Variants in CLASP1 observed in about 807,000 individuals in gnomAD.
The protein encoded by CLASP1 is CLIP-associating protein 1.
A neutral mutation model predicts 192.3 loss-of-function variants in CLASP1; 38 were observed. The observed-to-expected ratio is 0.20, with a 90% CI of 0.15 to 0.26. CLASP1 has a LOEUF of 0.26. Among genes scored for constraint, CLASP1 ranks in the 10% least tolerant of loss-of-function variants. The pLI is 1.00. For synonymous variants in CLASP1, 691 were observed against 712.8 expected (o/e 0.97, Z 0.49); for missense variants, 1,433 against 1,932.5 (o/e 0.74, Z 4.85).
In CLASP1 at chr2:121,497,002, CAT is replaced by C. The variant is rs533184477; in HGVS notation, c.712+6163_712+6164del. ...AAGACAAACATCACACATTCTCACT[CAT>C]ATGTGGGAGCTAAAAGGGTAGATCT... On this transcript the variant is annotated intron_variant, in intron 8 of 39. Transcript: ENST00000263710. Among the ~76,000 whole-genome samples the C allele has an allele frequency of 3.0e-3, 456 of 152,142 alleles. 9 individuals are homozygous for C. Among genetic ancestry groups the C allele is most frequent in the Non-Finnish European group, 7.6e-4 (52 of 68,012 alleles).
chr2:121,432,239 C>G (rs949680337), intron 19 of CLASP1, among the ~76,000 whole-genome samples: 1 of 152,130 alleles, frequency 6.6e-6, no homozygotes, highest in Non-Finnish European at 1.5e-5. Context: ...GCCTCAGCCT[C>G]CCCAGTAGCT....
At position 121,461,089 on chromosome 2, in the gene CLASP1, T is replaced by G; in HGVS notation, c.1032+12A>C. On this transcript the variant is annotated intron_variant, in intron 11 of 39. Coordinates refer to ENST00000263710, the Ensembl canonical transcript of CLASP1. ...CTTATGAAAATGTAATCACATGAAGTCAACAGCTTACAGCATTTACTCTCT... is the reference window on the plus strand; with the variant it reads ...CTTATGAAAATGTAATCACATGAAGGCAACAGCTTACAGCATTTACTCTCT... The G allele has an allele frequency of 6.6e-7, 1 of 1,521,888 alleles. No individual in the cohort carries two copies. The highest frequency in any genetic ancestry group is 9.0e-7 in the Non-Finnish European group (1 of 1,110,258). 94.3% of individuals were successfully genotyped at this position (1,521,888 alleles called of 1,614,324 possible).
intron 1 of CLASP1, among the ~76,000 whole-genome samples, chr2:121,641,344 A>G (rs1432250036): frequency 2.0e-5 from 3 of 152,084 alleles, no homozygotes; most frequent in Admixed American, 1.3e-4. Flanking sequence ...AAAAAAAAAA[A>G]AAAACAGGTA....
At chr2:121,533,530 T>G (rs1404776982) in intron 2 of CLASP1, among the ~76,000 whole-genome samples, 1 of 152,158 alleles carries the variant, frequency 6.6e-6, no homozygotes, top group African/African-American at 2.4e-5. Context: ...TTTCCCCCTA[T>G]TTCTGCTTTC....
intron 2 of CLASP1, among the ~76,000 whole-genome samples, chr2:121,581,448 G>A (rs2061155448): frequency 6.6e-6 from 1 of 151,042 alleles, no homozygotes; most frequent in Non-Finnish European, 1.5e-5. Flanking sequence ...CTAATTTTTT[G>A]TATTTTTAGT....
At chr2:121,498,716 T>C (rs1228161675) in intron 8 of CLASP1, among the ~76,000 whole-genome samples, 2 of 152,102 alleles carry the variant, frequency 1.3e-5, no homozygotes, top group African/African-American at 4.8e-5. Flanking sequence ...AACTCAACAA[T>C]AAATAGGCAA....
chr2:121,532,960 T>C (rs758932791), intron 2 of CLASP1, among the ~76,000 whole-genome samples: 2 of 152,244 alleles, frequency 1.3e-5, no homozygotes, highest in African/African-American at 2.4e-5. Context: ...ATCTGCACAG[T>C]TGCATTACTG....
intron 39 of CLASP1, among the ~76,000 whole-genome samples, chr2:121,345,860 T>C (rs775349996): frequency 1.1e-4 from 17 of 152,182 alleles, no homozygotes; most frequent in Non-Finnish European, 2.4e-4. Context: ...ATGGGTGCTA[T>C]TGGCACATGT....
chr2:121,474,898 G>T (rs757769226), intron 8 of CLASP1, among the ~76,000 whole-genome samples: 4 of 152,068 alleles, frequency 2.6e-5, no homozygotes, highest in Non-Finnish European at 5.9e-5. Context: ...CTAACTATAG[G>T]GATAGTGAGA....
rs1280256999 is a variant in CLASP1, at chr2:121,469,967, A to G, written c.713-7T>C. The G allele has an allele frequency of 1.2e-6, 2 of 1,605,978 alleles. No individual in the cohort carries two copies. The highest frequency in any genetic ancestry group is 1.8e-5 in the Admixed American group (1 of 56,812). On this transcript the variant is annotated splice_polypyrimidine_tract_variant and splice_region_variant and intron_variant, in intron 8 of 39. Coordinates refer to ENST00000263710, the Ensembl canonical transcript of CLASP1. ...TCATCGTCGAAATTTTTATCTGAAC[A>G]GTAAGCACAGAAACCAACGTTTTTT...
At chr2:121,632,066 A>AAAAT (rs568284849) in intron 1 of CLASP1, among the ~76,000 whole-genome samples, 1 of 151,996 alleles carries the variant, frequency 6.6e-6, no homozygotes, top group South Asian at 2.1e-4. Context: ...AAAATAAAAT[A>AAAAT]AAATAAATAA....
intron 19 of CLASP1, among the ~76,000 whole-genome samples, chr2:121,440,956 C>T (rs2083232433): frequency 6.6e-6 from 1 of 152,092 alleles, no homozygotes; most frequent in African/African-American, 2.4e-5. Flanking sequence ...TAAGAGGAGC[C>T]CAAAGCCTTT....
At chr2:121,449,036 C>A in exon 17 of CLASP1, 1 of 1,613,942 alleles carries the variant, frequency 6.2e-7, no homozygotes. Flanking sequence ...GGTGGGACTG[C>A]AGGGCTTTCT....
chr2:121,437,072 C>T (rs2082419538), intron 19 of CLASP1, among the ~76,000 whole-genome samples: 1 of 152,112 alleles, frequency 6.6e-6, no homozygotes. Flanking sequence ...AAGCGATCCC[C>T]CTGCCCCAGC....
At chr2:121,414,380 G>A (rs2078211522) in intron 23 of CLASP1, among the ~76,000 whole-genome samples, 177 bp from the exon 24 acceptor site, 1 of 152,136 alleles carries the variant, frequency 6.6e-6, no homozygotes. Context: ...ACTTCACAGT[G>A]GCCAGCTGGC....
chr2:121,467,214 G>A (rs560935194), intron 9 of CLASP1, among the ~76,000 whole-genome samples: 143 of 152,256 alleles, frequency 9.4e-4, no homozygotes, highest in African/African-American at 3.2e-3. Context: ...TATCATTGAT[G>A]GGCATTTAGG....
At chr2:121,423,754 T>C (rs2079931683) in intron 22 of CLASP1, among the ~76,000 whole-genome samples, 1 of 152,228 alleles carries the variant, frequency 6.6e-6, no homozygotes, top group Non-Finnish European at 1.5e-5. Flanking sequence ...GAGACCACAC[T>C]ACGCAATGCC....
chr2:121,574,258 G>T (rs1412006499), intron 2 of CLASP1, among the ~76,000 whole-genome samples: 4 of 151,586 alleles, frequency 2.6e-5, no homozygotes, highest in African/African-American at 9.7e-5. Flanking sequence ...AACCCAGGAG[G>T]CAGAGCTTGC....
chr2:121,408,368 G>C (rs1340266985), intron 24 of CLASP1, among the ~76,000 whole-genome samples: 1 of 152,102 alleles, frequency 6.6e-6, no homozygotes, highest in Non-Finnish European at 1.5e-5. Flanking sequence ...TAAAGACTTA[G>C]GGTTTTGAAA....
Sources: gnomAD v4.1 joint callset for allele counts (sites outside exome capture counted in the v4.1 genomes callset) on GRCh38, gnomAD v4.1.1 for gene constraint, MANE v1.5 for transcripts, NCBI Gene and HGNC (gene_info 2026-07-23, HGNC 2026-07-21) for gene names.